Variants in PRRX2 observed in about 807,000 individuals in gnomAD.
PRRX2 encodes the protein paired mesoderm homeobox protein 2.
A neutral mutation model predicts 18.0 loss-of-function variants in PRRX2; 11 were observed. That is an observed-to-expected ratio of 0.61 (90% CI 0.39 to 1.01). The LOEUF (loss-of-function observed/expected upper bound fraction) is 1.01. PRRX2 is among the 50% of genes least tolerant of loss of function. PRRX2 has a pLI of 0.01. For synonymous variants in PRRX2, 177 were observed against 154.8 expected, an observed-to-expected ratio of 1.14 and a Z score of -1.06; for missense variants, 387 against 351.0, an observed-to-expected ratio of 1.10 and a Z score of -0.82.
chr9:129,711,315 T>C (rs1021257954), intron 1 of PRRX2, among the ~76,000 whole-genome samples: 3 of 151,586 alleles, frequency 2.0e-5, no homozygotes, highest in African/African-American at 7.3e-5. Flanking sequence ...CTACGTAAAA[T>C]GGAACTAGGA....
rs990441293 is a variant in PRRX2 at position 129,720,689 on chromosome 9, G to C, written c.541G>C (p.Glu181Gln). 2.5e-6 allele frequency: 4 copies of C among 1,613,318 alleles called. No individual in the cohort carries two copies. In the African/African-American group the frequency reaches 4.0e-5, roughly 16 times the overall value. Reference sequence around the variant, plus strand: ...CTCGCTGCTCAAGTCCTACAGCCAGGAGGCCGCCATCGAGCAGCCCGTGGC... The same window carrying C: ...CTCGCTGCTCAAGTCCTACAGCCAGCAGGCCGCCATCGAGCAGCCCGTGGC... ...SASLLKSYSQ[E>Q]AAIEQPVAPR... The change falls in exon 3 of 4, where the codon GAG (glutamate) becomes CAG (glutamine). Residue 181 changes from glutamate (E) to glutamine (Q), a missense_variant. Transcript: ENST00000372469.
chr9:129,684,520 ACACCCACACACACC>A (rs1244120871), intron 1 of PRRX2, among the ~76,000 whole-genome samples: 2 of 41,298 alleles, frequency 4.8e-5, no homozygotes, highest in South Asian at 7.2e-4. Context: ...ACACACACAC[ACACCCACACACACC>A]CCAACAGAAA....
At chr9:129,707,262 A>AAAAT (rs535096597) in intron 1 of PRRX2, among the ~76,000 whole-genome samples, 71 of 152,194 alleles carry the variant, frequency 4.7e-4, no homozygotes, top group Non-Finnish European at 7.8e-4. Context: ...TCTGTCTCAA[A>AAAAT]AAATAAATAA....
At chr9:129,720,846 C>T in intron 3 of PRRX2, 72 bp downstream of exon 3, 4 of 1,416,258 alleles carry the variant, frequency 2.8e-6, no homozygotes, top group Non-Finnish European at 3.7e-6. Context: ...CCGGCCTGGA[C>T]TCCTCTGAGG....
In PRRX2 at chr9:129,684,460, C is replaced by CACACACACACACACACACACA. The variant is rs1415884580; in HGVS notation, c.259+18334_259+18335insACACACACACACACACACACA. Among the ~76,000 whole-genome samples the CACACACACACACACACACACA allele has an allele frequency of 5.0e-3, 624 of 125,178 alleles. 11 individuals carry two copies. The highest frequency in any genetic ancestry group is 7.1e-3 in the African/African-American group (227 of 31,774). 82.1% of individuals were successfully genotyped at this position (125,178 alleles called of 152,430 possible). ...CACACACACACACACACACACACACCCAACAGAAAAGATACCAGAAATCAC... is the reference window on the plus strand; with the variant it reads ...CACACACACACACACACACACACACCACACACACACACACACACACACAACAGAAAAGATACCAGAAATCAC... On this transcript the variant is annotated intron_variant, in intron 1 of 3. Transcript: ENST00000372469.
rs999619257 is a variant in PRRX2 at position 129,671,578 on chromosome 9, C to T, written c.259+5452C>T. Among the ~76,000 whole-genome samples the T allele has an allele frequency of 6.6e-6, 1 of 152,202 alleles. No individual in the cohort carries two copies. Among genetic ancestry groups the T allele is most frequent in the Non-Finnish European group, 1.5e-5 (1 of 68,038 alleles). ...CCCTTGAGGCCTGAAAAGAACCCTG[C>T]GAGTCAGTGTTGCCATCTGTGGGAT... On this transcript the variant is annotated intron_variant, in intron 1 of 3. Coordinates refer to ENST00000372469, the MANE Select transcript of PRRX2 (RefSeq NM_016307.4). The surrounding 1 kb of genome is among the most constrained non-coding windows in gnomAD (Gnocchi z 4.0).
chr9:129,721,545 A>G (rs1252516333), intron 3 of PRRX2, among the ~76,000 whole-genome samples: 1 of 151,924 alleles, frequency 6.6e-6, no homozygotes, highest in East Asian at 1.9e-4. Context: ...ATTCATCGTT[A>G]CAGGGGGCAG....
chr9:129,707,912 CTA>C (rs1832576629), intron 1 of PRRX2, among the ~76,000 whole-genome samples: 1 of 152,132 alleles, frequency 6.6e-6, no homozygotes, highest in Non-Finnish European at 1.5e-5. Flanking sequence ...GATGGTAAGT[CTA>C]TGTTTCACCT....
intron 1 of PRRX2, among the ~76,000 whole-genome samples, chr9:129,708,673 T>C (rs1261437384): frequency 6.6e-6 from 1 of 152,236 alleles, no homozygotes; most frequent in African/African-American, 2.4e-5. Flanking sequence ...TTCATGAAGT[T>C]CCATTTATCT....
At chr9:129,677,261 G>C (rs1362848731) in intron 1 of PRRX2, among the ~76,000 whole-genome samples, 7 of 152,234 alleles carry the variant, frequency 4.6e-5, no homozygotes, top group African/African-American at 1.7e-4. Context: ...GAATCACTCA[G>C]CAGCCTCACG....
intron 1 of PRRX2, among the ~76,000 whole-genome samples, chr9:129,678,111 G>A (rs1044900848): frequency 1.3e-5 from 2 of 151,802 alleles, no homozygotes; most frequent in African/African-American, 4.8e-5. Flanking sequence ...TTACAGGCAC[G>A]TACCACCATG....
rs71385454 is a variant in PRRX2, at chr9:129,684,482, T to TCACACA, written c.259+18392_259+18397dup. 5.9e-3 allele frequency among the ~76,000 whole-genome samples: 256 copies of TCACACA among 43,286 alleles called. 2 individuals are homozygous for TCACACA. The highest frequency in any genetic ancestry group is 4.3e-3 in the Non-Finnish European group (89 of 20,484). The allele number at this position is 43,286 out of a possible 152,430, so 28.4% of individuals were successfully genotyped here. ...CACCCAACAGAAAAGATACCAGAAA[T>TCACACA]CACACACACACACACACACACACAC... On this transcript the variant is annotated intron_variant, in intron 1 of 3. Coordinates refer to ENST00000372469, the MANE Select transcript of PRRX2 (RefSeq NM_016307.4).
intron 1 of PRRX2, among the ~76,000 whole-genome samples, chr9:129,704,104 G>T (rs1832531399): frequency 6.6e-6 from 1 of 152,228 alleles, no homozygotes; most frequent in Non-Finnish European, 1.5e-5. Context: ...GTACAACATT[G>T]CATGCAAACT....
Position 129,675,284 on chromosome 9 carries a change from A to G in PRRX2, c.259+9158A>G, listed in dbSNP as rs1461360239. On this transcript the variant is annotated intron_variant, in intron 1 of 3. Coordinates refer to ENST00000372469, the MANE Select transcript of PRRX2 (RefSeq NM_016307.4). The surrounding 1 kb of genome is among the most constrained non-coding windows in gnomAD (Gnocchi z 4.4). Reference sequence around the variant, plus strand: ...TGCTCTCGACCATCCACCAGCATCCATTGAGCACCTACTGAGTACCAGCCC... The same window carrying G: ...TGCTCTCGACCATCCACCAGCATCCGTTGAGCACCTACTGAGTACCAGCCC... Among the ~76,000 whole-genome samples, 1 of 152,154 alleles carries G rather than the reference A, an allele frequency of 6.6e-6. No individual in the cohort carries two copies. The highest frequency in any genetic ancestry group is 1.5e-5 in the Non-Finnish European group (1 of 68,004).
intron 1 of PRRX2, among the ~76,000 whole-genome samples, chr9:129,677,336 C>T (rs1832172730): frequency 6.6e-6 from 1 of 152,256 alleles, no homozygotes; most frequent in Non-Finnish European, 1.5e-5. Context: ...GATAAAGTGA[C>T]TTGACCCAGG....
At chr9:129,702,319 AC>A (rs1483287050) in intron 1 of PRRX2, among the ~76,000 whole-genome samples, 1 of 150,544 alleles carries the variant, frequency 6.6e-6, no homozygotes, top group Non-Finnish European at 1.5e-5. Context: ...AATGGCGTGA[AC>A]CCGGGAGGCG....
At position 129,719,325 on chromosome 9, in the gene PRRX2, G is replaced by T. The variant is rs1269794416; in HGVS notation, c.354G>T (p.Ala118=). The T allele has an allele frequency of 1.9e-6, 3 of 1,606,932 alleles. No individual in the cohort carries two copies. Among genetic ancestry groups the T allele is most frequent in the Admixed American group, 1.7e-5 (1 of 59,152 alleles). Residue 118 remains alanine (A), a synonymous_variant, in exon 2 of 4, where the codon GCG becomes GCT. Transcript: ENST00000372469. ...RTTFNSSQLQ[A]LERVFERTHY... is the part of the protein sequence containing the mutation. ...CGTTCAACAGCAGCCAACTGCAGGC[G>T]CTGGAGCGCGTGTTCGAGCGCACGC...
rs368264681 is a variant in PRRX2, at chr9:129,702,660, C to G, written c.260-16571C>G. Among the ~76,000 whole-genome samples the G allele has an allele frequency of 4.6e-5, 7 of 152,236 alleles. No homozygotes were observed. The East Asian group carries it at 1.3e-3, about 29-fold the overall frequency. On this transcript the variant is annotated intron_variant, in intron 1 of 3. Coordinates refer to ENST00000372469, the MANE Select transcript of PRRX2 (RefSeq NM_016307.4). ...TGGTGTCTTTCAGTCTGAGCCATGT[C>G]ATTCCCAGATGTCTGCTCTGAAGCT...
At chr9:129,669,162 T>TTTTTC (rs1832067925) in intron 1 of PRRX2, among the ~76,000 whole-genome samples, 1 of 152,076 alleles carries the variant, frequency 6.6e-6, no homozygotes, top group Non-Finnish European at 1.5e-5. Flanking sequence ...CTCAAACTTT[T>TTTTTC]TTTAATTTAA....
Sources: gnomAD v4.1 joint callset for allele counts (sites outside exome capture counted in the v4.1 genomes callset) on GRCh38, gnomAD v4.1.1 for gene constraint, Gnocchi (gnomAD v3.1) non-coding constraint, MANE v1.5 for transcripts, NCBI Gene and HGNC (gene_info 2026-07-23, HGNC 2026-07-21) for gene names.